USP34: variants seen among roughly 807,000 people sequenced by gnomAD.
USP34 encodes ubiquitin specific peptidase 34, also known as ubiquitin carboxyl-terminal hydrolase 34.
Under a neutral mutation model 460.3 loss-of-function variants are expected in USP34, and 70 were observed. That is an observed-to-expected ratio of 0.15 (90% CI 0.13 to 0.19). USP34 has a LOEUF of 0.19. Among genes scored for constraint, USP34 ranks in the 10% least tolerant of loss-of-function variants. USP34 has a pLI of 1.00. For missense variants in USP34, 3,985 were observed against 4,236.2 expected (o/e 0.94, Z 1.65); for synonymous variants, 1,647 against 1,405.3 (o/e 1.17, Z -3.85).
chr2:61,366,588 CTGAAA>C (rs551951753), intron 10 of USP34, among the ~76,000 whole-genome samples: 2 of 152,062 alleles, frequency 1.3e-5, no homozygotes, highest in Non-Finnish European at 1.5e-5. Context: ...GTCCTACAAC[CTGAAA>C]TGAAAGCTTG....
At chr2:61,226,830 C>CTA (rs1490019665) in intron 62 of USP34, 3 of 424,382 alleles carry the variant, frequency 7.1e-6, no homozygotes, top group Non-Finnish European at 1.2e-5. Flanking sequence ...ATGACTATTT[C>CTA]TAACACGACT....
At chr2:61,354,376 A>G (rs774013189) in intron 10 of USP34, among the ~76,000 whole-genome samples, 20 of 152,254 alleles carry the variant, frequency 1.3e-4, no homozygotes, top group Non-Finnish European at 2.5e-4. Context: ...AAATCTTGCA[A>G]TAAGAATTCT....
chr2:61,194,839 G>C (rs1686748970), intron 75 of USP34, among the ~76,000 whole-genome samples: 1 of 152,088 alleles, frequency 6.6e-6, no homozygotes, highest in African/African-American at 2.4e-5. Flanking sequence ...TGTAATCCCA[G>C]CTACTTGGGA....
intron 34 of USP34, among the ~76,000 whole-genome samples, chr2:61,286,914 C>A (rs1303082461): frequency 6.6e-6 from 1 of 151,662 alleles, no homozygotes; most frequent in African/African-American, 2.4e-5. Context: ...CAATAAAGGT[C>A]AATAAACATT....
chr2:61,296,772 G>A (rs749405743), intron 30 of USP34, 28 bp downstream of exon 30: 1 of 1,603,938 alleles, frequency 6.2e-7, no homozygotes, highest in Non-Finnish European at 8.5e-7. Flanking sequence ...ACAGCCTCTA[G>A]GAGAGTAAAG....
chr2:61,191,836 T>C (rs998381591), intron 76 of USP34, among the ~76,000 whole-genome samples: 13 of 152,180 alleles, frequency 8.5e-5, no homozygotes, highest in Admixed American at 2.0e-4. Context: ...AGATCTCCAA[T>C]TGACTGAACA....
chr2:61,244,668 TC>T (rs1245058103), intron 51 of USP34, among the ~76,000 whole-genome samples: 1 of 151,944 alleles, frequency 6.6e-6, no homozygotes, highest in African/African-American at 2.4e-5. Context: ...ATAGAAGATG[TC>T]CTTTTTCTAT....
At chr2:61,413,750 G>T (rs556519162) in intron 2 of USP34, among the ~76,000 whole-genome samples, 31 of 147,508 alleles carry the variant, frequency 2.1e-4, no homozygotes, top group African/African-American at 7.3e-4. Flanking sequence ...GGCCAAGGCG[G>T]GTGGATTGCC....
At chr2:61,422,449 AC>A (rs1694390811) in intron 1 of USP34, among the ~76,000 whole-genome samples, 1 of 152,156 alleles carries the variant, frequency 6.6e-6, no homozygotes, top group South Asian at 2.1e-4. Flanking sequence ...ATTCCATCCA[AC>A]CCAGAACCAG....
At chr2:61,391,225 C>T (rs910336135) in intron 5 of USP34, among the ~76,000 whole-genome samples, 1 of 152,126 alleles carries the variant, frequency 6.6e-6, no homozygotes, top group Non-Finnish European at 1.5e-5. Context: ...GCGGGCGGAT[C>T]ATTTGAGCCC....
At position 61,343,915 on chromosome 2, in the gene USP34, T is replaced by C. The variant is rs753236179; in HGVS notation, c.2400A>G (p.Glu800=). 9 of 1,614,014 alleles carry C rather than the reference T, an allele frequency of 5.6e-6. No individual in the cohort carries two copies. The highest frequency in any genetic ancestry group is 6.8e-6 in the Non-Finnish European group (8 of 1,179,926). Residue 800 remains glutamate (E), a synonymous_variant, in exon 16 of 80, where the codon GAA becomes GAG. Coordinates refer to ENST00000398571, the MANE Select transcript of USP34 (RefSeq NM_014709.4). ...GTGAATTAATCTGAACTAGCTCCTC[T>C]TCACATCCAGATTCTTCACCATCAA... ...ADFDGEESGC[E]EELVQINSHA...
At chr2:61,215,609 G>A (rs1687373596) in intron 67 of USP34, among the ~76,000 whole-genome samples, 2 of 152,300 alleles carry the variant, frequency 1.3e-5, no homozygotes, top group Admixed American at 6.5e-5. Flanking sequence ...GACCCTGGAT[G>A]GAGGTAACAG....
chr2:61,347,620 T>C (rs780359310), intron 15 of USP34, among the ~76,000 whole-genome samples: 9 of 152,160 alleles, frequency 5.9e-5, no homozygotes, highest in Non-Finnish European at 1.0e-4. Context: ...GTGATCCACC[T>C]GCCTCGGCCT....
chr2:61,392,008 A>G (rs1693363297), intron 5 of USP34, among the ~76,000 whole-genome samples: 1 of 152,218 alleles, frequency 6.6e-6, no homozygotes, highest in Non-Finnish European at 1.5e-5. Flanking sequence ...GCCTCAGTTG[A>G]GTTGCAAGAT....
chr2:61,282,721 T>C (rs997451571), intron 37 of USP34, among the ~76,000 whole-genome samples: 6 of 151,920 alleles, frequency 3.9e-5, no homozygotes, highest in Admixed American at 1.3e-4. Flanking sequence ...TCCCAGGAGG[T>C]TGAGGCTGCA....
chr2:61,190,504 A>G lies in USP34; in HGVS notation c.9729+14T>C, dbSNP rs554592579. The G allele has an allele frequency of 2.2e-5, 36 of 1,610,412 alleles. No individual in the cohort carries two copies. Among genetic ancestry groups the G allele is most frequent in the Admixed American group, 1.7e-4 (10 of 59,192 alleles). The stretch of plus-strand genomic sequence containing the variant: ...ATTAGAAATGACACACTGAGTTTCC[A>G]AAGTACTACGTACCTTTAGAAGGAA... On this transcript the variant is annotated intron_variant, in intron 77 of 79. Transcript: ENST00000398571.
chr2:61,220,048 TCC>T, intron 67 of USP34: 1 of 293,164 alleles, frequency 3.4e-6, no homozygotes, highest in East Asian at 6.0e-5. Flanking sequence ...ACCTTTTTAT[TCC>T]CTTCATTACT....
chr2:61,336,522 A>C (rs1300734418), intron 18 of USP34, among the ~76,000 whole-genome samples: 11 of 151,520 alleles, frequency 7.3e-5, no homozygotes, highest in Admixed American at 6.6e-5. Flanking sequence ...AAAAAAAAAA[A>C]CCTCAAGCTG....
chr2:61,298,630 G>T (rs62149673), intron 29 of USP34, among the ~76,000 whole-genome samples: 1 of 140,008 alleles, frequency 7.1e-6, no homozygotes, highest in Non-Finnish European at 1.5e-5. Flanking sequence ...TCAGACTAAC[G>T]TAACAGCCTA....
Sources: gnomAD v4.1 joint callset for allele counts (sites outside exome capture counted in the v4.1 genomes callset) on GRCh38, gnomAD v4.1.1 for gene constraint, MANE v1.5 for transcripts, NCBI Gene and HGNC (gene_info 2026-07-23, HGNC 2026-07-21) for gene names.